Variants in TFPI observed in about 807,000 individuals in gnomAD.
TFPI encodes the protein tissue factor pathway inhibitor.
TFPI carries 15 observed loss-of-function variants against 34.6 expected under a neutral mutation model. That is an observed-to-expected ratio of 0.43 (90% CI 0.29 to 0.67). The LOEUF is 0.67. TFPI is among the 30% of genes least tolerant of loss of function. The pLI, the probability that TFPI is intolerant of heterozygous loss-of-function variation, is 0.15. For missense variants in TFPI, 301 were observed against 364.0 expected, an observed-to-expected ratio of 0.83 and a Z score of 1.41; for synonymous variants, 105 against 120.1, an observed-to-expected ratio of 0.87 and a Z score of 0.82.
intron 1 of TFPI, among the ~76,000 whole-genome samples, chr2:187,512,460 G>A (rs1384297301): frequency 6.6e-6 from 1 of 151,110 alleles, no homozygotes; most frequent in Non-Finnish European, 1.5e-5. Context: ...GGTTCAACCA[G>A]ACCTAAGAGG....
Position 187,533,391 on chromosome 2 carries a change from T to C in TFPI, c.-3+20809A>G, listed in dbSNP as rs376226772. Among the ~76,000 whole-genome samples the C allele has an allele frequency of 4.6e-5, 7 of 152,312 alleles. No individual in the cohort carries two copies. The East Asian group carries it at 7.7e-4, about 17-fold the overall frequency. ...GGAATAGCAGTAATCTTAGCTGTTCTACAGCCTCCACTGGTGATACCCAGG... is the reference window on the plus strand; with the variant it reads ...GGAATAGCAGTAATCTTAGCTGTTCCACAGCCTCCACTGGTGATACCCAGG... On this transcript the variant is annotated intron_variant, in intron 1 of 7. Transcript: ENST00000233156.
At chr2:187,513,624 G>C (rs993810317) in intron 1 of TFPI, 1 of 152,626 alleles carries the variant, frequency 6.6e-6, no homozygotes, top group Non-Finnish European at 1.5e-5. Context: ...ACCTTGTGCT[G>C]CTAACCGCTG....
intron 6 of TFPI, among the ~76,000 whole-genome samples, chr2:187,483,377 C>A (rs2106008244): frequency 6.6e-6 from 1 of 152,014 alleles, no homozygotes; most frequent in Admixed American, 6.6e-5. Context: ...ACATGGACTA[C>A]TTCTAAACAA....
intron 1 of TFPI, among the ~76,000 whole-genome samples, chr2:187,527,788 T>C (rs1191188298): frequency 3.3e-5 from 5 of 152,170 alleles, no homozygotes; most frequent in African/African-American, 1.2e-4. Context: ...TGGTTTCTTA[T>C]CTGTTAGACT....
intron 1 of TFPI, chr2:187,515,247 G>A (rs2106180911): frequency 6.6e-6 from 1 of 152,276 alleles, no homozygotes; most frequent in Admixed American, 6.5e-5. Flanking sequence ...CCCATACTGT[G>A]GTGACTTTAA....
At chr2:187,512,698 G>A (rs1686727859) in intron 1 of TFPI, among the ~76,000 whole-genome samples, 1 of 151,984 alleles carries the variant, frequency 6.6e-6, no homozygotes, top group East Asian at 1.9e-4. Flanking sequence ...GCCTTAGACA[G>A]TCTAGTCCAC....
At chr2:187,501,157 A>T (rs1685824582) in intron 2 of TFPI, among the ~76,000 whole-genome samples, 1 of 152,158 alleles carries the variant, frequency 6.6e-6, no homozygotes, top group Admixed American at 6.5e-5. Flanking sequence ...AGAAAGCAAA[A>T]CACATAGAGG....
At chr2:187,479,382 T>C (rs1348093058) in intron 6 of TFPI, among the ~76,000 whole-genome samples, 17 of 151,412 alleles carry the variant, frequency 1.1e-4, no homozygotes, top group Non-Finnish European at 3.0e-5. Context: ...TATGCTTTAG[T>C]TTACTTATGT....
At chr2:187,506,321 A>G (rs919170304) in intron 1 of TFPI, among the ~76,000 whole-genome samples, 5 of 152,120 alleles carry the variant, frequency 3.3e-5, no homozygotes, top group African/African-American at 1.2e-4. Context: ...TTTTAAAAAA[A>G]TTGACCCCAT....
In TFPI at chr2:187,554,245, G is replaced by A. The variant is rs1262105531; in HGVS notation, c.-48C>T. Reference sequence around the variant, plus strand: ...GTTCTTGGAATGTTTTTTTCAAAACGGAGTTGAGGTTATTTTGTTTTTCCT... The same window carrying A: ...GTTCTTGGAATGTTTTTTTCAAAACAGAGTTGAGGTTATTTTGTTTTTCCT... On this transcript the variant is annotated 5_prime_UTR_variant, in exon 1 of 8. Coordinates refer to ENST00000233156, the MANE Select transcript of TFPI (RefSeq NM_006287.6). The A allele has an allele frequency of 4.6e-5, 7 of 152,048 alleles. No individual in the cohort carries two copies. The highest frequency in any genetic ancestry group is 8.8e-5 in the Non-Finnish European group (6 of 68,016). The allele number at this position is 152,048 out of a possible 1,614,324, so 9.4% of individuals were successfully genotyped here.
rs114436401 is a variant in TFPI, at chr2:187,552,622, T to C, written c.-3+1578A>G. Among the ~76,000 whole-genome samples, 1,008 of 152,112 alleles carry C rather than the reference T, an allele frequency of 6.6e-3. 8 individuals carry two copies. The highest frequency in any genetic ancestry group is 0.023 in the African/African-American group (961 of 41,542). ...AACACCAGTTGATAACATAATCCAT[T>C]TGGACAGGAACCACATTTCCAAAGG... On this transcript the variant is annotated intron_variant, in intron 1 of 7. Transcript: ENST00000233156.
intron 1 of TFPI, 88 bp from the exon 2 acceptor site, chr2:187,503,858 T>A (rs1686017963): frequency 7.0e-6 from 10 of 1,425,942 alleles, no homozygotes; most frequent in Non-Finnish European, 9.5e-6. Flanking sequence ...GTGTACCTCA[T>A]ATGCAAATTT....
At chr2:187,547,387 A>G (rs1330416011) in intron 1 of TFPI, 1 of 152,186 alleles carries the variant, frequency 6.6e-6, no homozygotes, top group African/African-American at 2.4e-5. Flanking sequence ...CAGTGTTTTC[A>G]CTCCTATTAA....
chr2:187,498,833 C>A (rs1685659337), intron 2 of TFPI, among the ~76,000 whole-genome samples: 2 of 151,790 alleles, frequency 1.3e-5, no homozygotes, highest in East Asian at 3.9e-4. Flanking sequence ...GTTTCAGCAC[C>A]AAACACAATT....
intron 1 of TFPI, among the ~76,000 whole-genome samples, chr2:187,540,204 A>G (rs1279894684): frequency 2.6e-5 from 4 of 152,052 alleles, no homozygotes; most frequent in African/African-American, 4.8e-5. Flanking sequence ...CGCCCCGGCC[A>G]CGTCATCCTC....
At chr2:187,545,332 A>G (rs1044579850) in intron 1 of TFPI, among the ~76,000 whole-genome samples, 2 of 152,224 alleles carry the variant, frequency 1.3e-5, no homozygotes, top group Non-Finnish European at 2.9e-5. Flanking sequence ...ACAACACAAT[A>G]GCATATAGCA....
chr2:187,477,559 G>T (rs1049972624), intron 6 of TFPI, among the ~76,000 whole-genome samples: 1 of 151,958 alleles, frequency 6.6e-6, no homozygotes, highest in Non-Finnish European at 1.5e-5. Flanking sequence ...GTGAGGGAGA[G>T]TTTCTCTCCA....
chr2:187,467,763 T>A lies in TFPI; in HGVS notation c.798A>T (p.Ala266=), dbSNP rs1691797322. 1 of 1,603,454 alleles carries A rather than the reference T, an allele frequency of 6.2e-7. No homozygotes were observed. The highest frequency in any genetic ancestry group is 8.5e-7 in the Non-Finnish European group (1 of 1,175,472). Residue 266 remains alanine (A), a synonymous_variant, in exon 7 of 8, where the codon GCA becomes GCT. Transcript: ENST00000233156. ...GAGTATCTTCTATACCTTTTTTACATGCCCTCAGACATTCTTGTTTGGAAG... is the reference window on the plus strand; with the variant it reads ...GAGTATCTTCTATACCTTTTTTACAAGCCCTCAGACATTCTTGTTTGGAAG... ...NFTSKQECLR[A]CKKGFIQRIS...
intron 6 of TFPI, among the ~76,000 whole-genome samples, chr2:187,479,372 T>C (rs1406084511): frequency 6.6e-6 from 1 of 151,580 alleles, no homozygotes; most frequent in African/African-American, 2.4e-5. Context: ...CTCTCTCTAA[T>C]ATGCTTTAGT....
Sources: gnomAD v4.1 joint callset for allele counts (sites outside exome capture counted in the v4.1 genomes callset) on GRCh38, gnomAD v4.1.1 for gene constraint, MANE v1.5 for transcripts, NCBI Gene and HGNC (gene_info 2026-07-23, HGNC 2026-07-21) for gene names.